The following RNGTT variants were observed in gnomAD, a reference collection of about 807,000 sequenced individuals.
RNGTT encodes the protein RNA guanylyltransferase and 5'-phosphatase.
In RNGTT, 33 loss-of-function variants were observed where a neutral mutation model predicts 79.3. That is an observed-to-expected ratio of 0.42 (90% CI 0.32 to 0.56). RNGTT has a LOEUF of 0.56. Ranked by LOEUF, RNGTT falls within the 20% of genes least tolerant of loss-of-function variation. RNGTT has a pLI of 0.17. For synonymous variants in RNGTT, 222 were observed against 235.9 expected (o/e 0.94, Z 0.54); for missense variants, 497 against 739.1 (o/e 0.67, Z 3.80).
At chr6:88,859,180 C>A (rs1356684335) in intron 8 of RNGTT, among the ~76,000 whole-genome samples, 1 of 151,714 alleles carries the variant, frequency 6.6e-6, no homozygotes, top group Non-Finnish European at 1.5e-5. Context: ...AATCCCCCCA[C>A]CCCCAGCTAC....
chr6:88,850,859 T>C (rs1781647480), intron 9 of RNGTT, among the ~76,000 whole-genome samples: 1 of 152,000 alleles, frequency 6.6e-6, no homozygotes, highest in African/African-American at 2.4e-5. Context: ...CAATCAAAGA[T>C]GAGACTGAAG....
chr6:88,811,962 T>C (rs1048769388), intron 11 of RNGTT, among the ~76,000 whole-genome samples: 4 of 152,308 alleles, frequency 2.6e-5, no homozygotes, highest in African/African-American at 9.6e-5. Context: ...GATACTAATC[T>C]TTATTGGTTT....
At position 88,648,497 on chromosome 6, in the gene RNGTT, A is replaced by AATAATAAT. The variant is rs1562169907; in HGVS notation, c.1506+29855_1506+29856insATTATTAT. 5.3e-4 allele frequency among the ~76,000 whole-genome samples: 64 copies of AATAATAAT among 120,912 alleles called. 1 individual carries two copies. The highest frequency in any genetic ancestry group is 5.4e-3 in the Middle Eastern group (1 of 184). The allele number at this position is 120,912 out of a possible 152,430, so 79.3% of individuals were successfully genotyped here. ...ATAATAATAATAATAATAATAATAA[A>AATAATAAT]AAATTCTAACACCAATTTACCTCTT... is the stretch of plus-strand genomic sequence containing the variant. On this transcript the variant is annotated intron_variant, in intron 14 of 15. Transcript: ENST00000369485.
At chr6:88,894,650 T>A (rs1368856051) in intron 6 of RNGTT, among the ~76,000 whole-genome samples, 1 of 152,180 alleles carries the variant, frequency 6.6e-6, no homozygotes, top group Non-Finnish European at 1.5e-5. Context: ...CATCCCCATA[T>A]GTGATCTCAT....
At chr6:88,613,995 G>GTTT (rs1288843526) in intron 15 of RNGTT, among the ~76,000 whole-genome samples, 2 of 152,150 alleles carry the variant, frequency 1.3e-5, no homozygotes, top group Non-Finnish European at 2.9e-5. Flanking sequence ...TGTTGTTGTT[G>GTTT]TTGTTCAATA....
intron 14 of RNGTT, among the ~76,000 whole-genome samples, chr6:88,674,964 G>A (rs1411151420): frequency 1.3e-5 from 2 of 152,056 alleles, no homozygotes; most frequent in Non-Finnish European, 2.9e-5. Flanking sequence ...CAGGCGTGGT[G>A]GTGCGAGCCT....
intron 11 of RNGTT, among the ~76,000 whole-genome samples, chr6:88,813,080 G>A (rs745880996): frequency 1.3e-5 from 2 of 152,112 alleles, no homozygotes; most frequent in Non-Finnish European, 2.9e-5. Flanking sequence ...GTGACTGGCA[G>A]AAATTATTGA....
intron 8 of RNGTT, among the ~76,000 whole-genome samples, chr6:88,871,357 T>G (rs1406111609): frequency 1.3e-5 from 2 of 152,074 alleles, no homozygotes; most frequent in African/African-American, 2.4e-5. Flanking sequence ...AGCAGAGTTT[T>G]TTTTTTTTTA....
chr6:88,898,066 A>G (rs904854997), intron 6 of RNGTT, among the ~76,000 whole-genome samples: 2 of 152,158 alleles, frequency 1.3e-5, no homozygotes, highest in Non-Finnish European at 2.9e-5. Context: ...GTTGCTGTAT[A>G]AATCTGAGTT....
At chr6:88,804,917 T>A (rs533805467) in intron 11 of RNGTT, among the ~76,000 whole-genome samples, 1 of 152,186 alleles carries the variant, frequency 6.6e-6, no homozygotes, top group Non-Finnish European at 1.5e-5. Context: ...TTGACTAATG[T>A]TAAGAAAATG....
At chr6:88,696,530 C>A (rs1196023155) in intron 13 of RNGTT, among the ~76,000 whole-genome samples, 1 of 151,424 alleles carries the variant, frequency 6.6e-6, no homozygotes, top group Non-Finnish European at 1.5e-5. Context: ...AATCTGAAAT[C>A]ATCTGAATCA....
rs746472579 is a variant in RNGTT, at chr6:88,647,701, T to TAA, written c.1506+30650_1506+30651dup. 8.8e-4 allele frequency among the ~76,000 whole-genome samples: 89 copies of TAA among 100,846 alleles called. 3 individuals carry two copies. The highest frequency in any genetic ancestry group is 1.4e-3 in the Admixed American group (14 of 9,698). The allele number at this position is 100,846 out of a possible 152,430, so 66.2% of individuals were successfully genotyped here. On this transcript the variant is annotated intron_variant, in intron 14 of 15. Coordinates refer to ENST00000369485, the MANE Select transcript of RNGTT (RefSeq NM_003800.5). ...CTGGGTGACAGAACCGACACCCTGT[T>TAA]AAAAAAAAAAAAAAAAGAAGAAGAA...
At chr6:88,625,483 A>G (rs553109669) in intron 14 of RNGTT, among the ~76,000 whole-genome samples, 4 of 152,174 alleles carry the variant, frequency 2.6e-5, no homozygotes, top group African/African-American at 9.6e-5. Context: ...TGACTTTAAA[A>G]GCTATAGAGT....
In RNGTT at chr6:88,769,869, G is replaced by C; in HGVS notation, c.1344C>G (p.Tyr448Ter). ...AAATATCATCACATCGACCAGGTTT[G>C]TATTTCTAAAGCCAATTAAAATGAT... ...DGLIFQPTGK[Y>*]KPGRCDDILK... Residue 448 changes from tyrosine to a stop codon, truncating the protein, a stop_gained, in exon 13 of 16, where the codon TAC (tyrosine) becomes TAG (stop). Transcript: ENST00000369485. LOFTEE classifies it high-confidence loss of function. 1 of 1,606,428 alleles carries C rather than the reference G, an allele frequency of 6.2e-7. No homozygotes were observed. The highest frequency in any genetic ancestry group is 8.5e-7 in the Non-Finnish European group (1 of 1,174,610).
At chr6:88,656,239 G>A (rs1773973103) in intron 14 of RNGTT, among the ~76,000 whole-genome samples, 1 of 152,102 alleles carries the variant, frequency 6.6e-6, no homozygotes, top group South Asian at 2.1e-4. Context: ...AGTACATTTA[G>A]AAATTTAATC....
At chr6:88,681,764 G>GT (rs1407231399) in intron 13 of RNGTT, among the ~76,000 whole-genome samples, 1 of 152,070 alleles carries the variant, frequency 6.6e-6, no homozygotes, top group African/African-American at 2.4e-5. Context: ...TTGGTACCAG[G>GT]TAATTGTTTT....
intron 12 of RNGTT, among the ~76,000 whole-genome samples, chr6:88,776,156 A>G (rs1285455784): frequency 6.6e-6 from 1 of 152,176 alleles, no homozygotes; most frequent in Admixed American, 6.6e-5. Context: ...TCCTACCAAC[A>G]GTGGGACACC....
chr6:88,952,646 A>G (rs2127964544), intron 1 of RNGTT, among the ~76,000 whole-genome samples: 1 of 152,368 alleles, frequency 6.6e-6, no homozygotes, highest in Admixed American at 6.5e-5. Context: ...CACTACTAGC[A>G]TAACCAGCAT....
intron 8 of RNGTT, among the ~76,000 whole-genome samples, chr6:88,880,503 T>C (rs545667051): frequency 1.3e-5 from 2 of 152,292 alleles, no homozygotes; most frequent in Admixed American, 6.5e-5. Context: ...TATATAAATA[T>C]GTAAGTCAAA....
Sources: gnomAD v4.1 joint callset for allele counts (sites outside exome capture counted in the v4.1 genomes callset) on GRCh38, gnomAD v4.1.1 for gene constraint, MANE v1.5 for transcripts, NCBI Gene and HGNC (gene_info 2026-07-23, HGNC 2026-07-21) for gene names.